The following MARCHF1 variants were observed in gnomAD, a reference collection of about 807,000 sequenced individuals.
MARCHF1 encodes membrane associated ring-CH-type finger 1.
A neutral mutation model predicts 54.2 loss-of-function variants in MARCHF1; 40 were observed. The observed-to-expected ratio is 0.74, with a 90% CI of 0.57 to 0.96. MARCHF1 has a LOEUF of 0.96. Ranked by LOEUF, MARCHF1 falls within the 40% of genes least tolerant of loss-of-function variation. MARCHF1 has a pLI of 0.00. For missense variants in MARCHF1, 586 were observed against 656.5 expected, an observed-to-expected ratio of 0.89 and a Z score of 1.17; for synonymous variants, 236 against 236.3, an observed-to-expected ratio of 1.00 and a Z score of 0.01.
At chr4:163,680,852 T>A (rs1744078773) in intron 5 of MARCHF1, among the ~76,000 whole-genome samples, 1 of 152,116 alleles carries the variant, frequency 6.6e-6, no homozygotes, top group Non-Finnish European at 1.5e-5. Flanking sequence ...TGTATTTCTA[T>A]AATTTATTAT....
At chr4:164,253,142 C>G (rs1336246666) in intron 1 of MARCHF1, among the ~76,000 whole-genome samples, 2 of 151,806 alleles carry the variant, frequency 1.3e-5, no homozygotes, top group African/African-American at 2.4e-5. Flanking sequence ...ATAGATTACC[C>G]CAAAATAAAG....
chr4:163,605,515 A>G (rs1416678487), intron 7 of MARCHF1, among the ~76,000 whole-genome samples: 1 of 152,204 alleles, frequency 6.6e-6, no homozygotes, highest in Non-Finnish European at 1.5e-5. Flanking sequence ...TCAAGGATTT[A>G]GAACCAGAAA....
intron 1 of MARCHF1, among the ~76,000 whole-genome samples, chr4:164,224,826 A>G (rs1468656378): frequency 6.6e-6 from 1 of 152,088 alleles, no homozygotes; most frequent in Non-Finnish European, 1.5e-5. Flanking sequence ...ATTTTCTCAA[A>G]TATGTGAAGC....
intron 1 of MARCHF1, among the ~76,000 whole-genome samples, chr4:164,361,843 G>A (rs1248281673): frequency 6.6e-6 from 1 of 151,812 alleles, no homozygotes; most frequent in Non-Finnish European, 1.5e-5. Flanking sequence ...TACCATAATG[G>A]CCATAGAGCA....
chr4:163,848,368 C>G (rs1039551062), intron 4 of MARCHF1, among the ~76,000 whole-genome samples: 1 of 152,046 alleles, frequency 6.6e-6, no homozygotes, highest in African/African-American at 2.4e-5. Context: ...CTTTGTAACT[C>G]CAGTCTATTT....
chr4:163,542,778 T>TA (rs1222907193), intron 9 of MARCHF1, among the ~76,000 whole-genome samples: 1 of 152,236 alleles, frequency 6.6e-6, no homozygotes, highest in Non-Finnish European at 1.5e-5. Flanking sequence ...GCCCAGGTGA[T>TA]ACTGATGTTG....
chr4:164,055,528 G>A (rs17475275), intron 2 of MARCHF1, among the ~76,000 whole-genome samples: 65,863 of 151,598 alleles, frequency 0.43, 17,709 homozygotes, highest in Non-Finnish European at 0.6. Flanking sequence ...TTCTCTCCCC[G>A]AAAATAGGGA....
At chr4:164,063,488 A>C (rs1472414046) in intron 2 of MARCHF1, among the ~76,000 whole-genome samples, 4 of 152,212 alleles carry the variant, frequency 2.6e-5, no homozygotes, top group Non-Finnish European at 5.9e-5. Flanking sequence ...AACCTCTGCA[A>C]GCATCAAACT....
intron 3 of MARCHF1, among the ~76,000 whole-genome samples, chr4:163,983,300 T>C (rs1752797925): frequency 6.6e-6 from 1 of 152,204 alleles, no homozygotes; most frequent in Admixed American, 6.5e-5. Context: ...GGCTGAGTTA[T>C]CTACTCAAGA....
intron 3 of MARCHF1, among the ~76,000 whole-genome samples, chr4:163,984,290 T>C (rs1272326516): frequency 5.3e-5 from 8 of 152,162 alleles, no homozygotes; most frequent in South Asian, 2.1e-4. Flanking sequence ...ATGGCAGCAG[T>C]AAAGAAAATG....
chr4:164,350,307 T>A (rs1730243545), intron 1 of MARCHF1, among the ~76,000 whole-genome samples: 2 of 151,978 alleles, frequency 1.3e-5, no homozygotes, highest in Non-Finnish European at 2.9e-5. Context: ...GAAAACTGAG[T>A]TCATTCAAGT....
chr4:163,856,129 G>A (rs544095105), intron 3 of MARCHF1, among the ~76,000 whole-genome samples: 15 of 151,916 alleles, frequency 9.9e-5, no homozygotes, highest in Admixed American at 5.2e-4. Context: ...TCATCTTTTC[G>A]AACTGTTTTG....
At chr4:163,737,969 T>C (rs1457307346) in intron 4 of MARCHF1, among the ~76,000 whole-genome samples, 1 of 76,422 alleles carries the variant, frequency 1.3e-5, no homozygotes, top group African/African-American at 3.0e-5. Context: ...CGTATGTTTA[T>C]TGCGGCACTA....
intron 2 of MARCHF1, among the ~76,000 whole-genome samples, chr4:164,075,608 G>A (rs1235164567): frequency 6.6e-6 from 1 of 152,162 alleles, no homozygotes; most frequent in Non-Finnish European, 1.5e-5. Flanking sequence ...TTGTTACATG[G>A]CATTGTTGTG....
In MARCHF1 at chr4:164,161,545, T is replaced by TCATCAG. The variant is rs765753027; in HGVS notation, c.-322-49884_-322-49883insCTGATG. ...ATCAAAATCATCATCATCATCATCA[T>TCATCAG]CAGCAGCAGCAGCAGCAGCAGCAGC... On this transcript the variant is annotated intron_variant, in intron 1 of 9. Coordinates refer to ENST00000514618, the MANE Select transcript of MARCHF1 (RefSeq NM_001394959.1). Among the ~76,000 whole-genome samples, 466 of 150,898 alleles carry TCATCAG rather than the reference T, an allele frequency of 3.1e-3. 4 individuals are homozygous for TCATCAG. Among genetic ancestry groups the TCATCAG allele is most frequent in the African/African-American group, 9.6e-3 (397 of 41,220 alleles).
intron 8 of MARCHF1, among the ~76,000 whole-genome samples, chr4:163,572,345 A>G (rs1158888593): frequency 7.0e-6 from 1 of 142,510 alleles, no homozygotes; most frequent in Non-Finnish European, 1.5e-5. Flanking sequence ...AAATAAATTG[A>G]TTCTTCACTT....
intron 4 of MARCHF1, among the ~76,000 whole-genome samples, chr4:163,817,978 G>A (rs1748589226): frequency 8.9e-6 from 1 of 112,778 alleles, no homozygotes; most frequent in South Asian, 3.7e-4. Flanking sequence ...GGGGGAGGGG[G>A]GAGGGATAGC....
At chr4:164,214,237 A>T (rs868509436) in intron 1 of MARCHF1, among the ~76,000 whole-genome samples, 4 of 152,286 alleles carry the variant, frequency 2.6e-5, no homozygotes, top group African/African-American at 7.2e-5. Context: ...AGTGGTGGTC[A>T]CTCAGATTTC....
intron 8 of MARCHF1, among the ~76,000 whole-genome samples, chr4:163,569,019 G>A (rs1009787316): frequency 1.3e-5 from 2 of 152,112 alleles, no homozygotes; most frequent in African/African-American, 4.8e-5. Flanking sequence ...GGTACGCTTT[G>A]GTGCTCCTGG....
Sources: allele counts gnomAD v4.1 joint callset (sites outside exome capture counted in the v4.1 genomes callset), GRCh38; gene constraint gnomAD v4.1.1; transcripts MANE v1.5; gene names NCBI Gene and HGNC (gene_info 2026-07-23, HGNC 2026-07-21).